Variants in FAM107A observed in about 807,000 individuals in gnomAD.
FAM107A encodes actin-associated protein FAM107A.
Under a neutral mutation model 13.7 loss-of-function variants are expected in FAM107A, and 19 were observed. The observed-to-expected ratio is 1.38, with a 90% CI of 0.97 to 2.03. FAM107A has a LOEUF of 2.03. Among genes scored for constraint, FAM107A ranks in the 30% most tolerant of loss-of-function variants. The probability of loss-of-function intolerance (pLI) is 0.00; values close to 1 mark genes in which losing one functional copy is unlikely to be tolerated. For missense variants in FAM107A, 203 were observed against 184.4 expected (o/e 1.10, Z -0.58); for synonymous variants, 82 against 74.5 (o/e 1.10, Z -0.52).
chr3:58,603,716 A>G (rs1267741354), intron 1 of FAM107A, among the ~76,000 whole-genome samples: 1 of 152,122 alleles, frequency 6.6e-6, no homozygotes, highest in African/African-American at 2.4e-5. Flanking sequence ...CCCCCAAAGT[A>G]TCTCTAAGTG....
chr3:58,594,490 G>A (rs537518589), intron 1 of FAM107A, among the ~76,000 whole-genome samples: 68 of 152,216 alleles, frequency 4.5e-4, no homozygotes, highest in African/African-American at 1.5e-3. Flanking sequence ...CTCTTTTGGT[G>A]CTCCCTCTCA....
At chr3:58,591,283 G>T (rs1044100680), upstream of FAM107A, among the ~76,000 whole-genome samples, 1 of 152,182 alleles carries the variant, frequency 6.6e-6, no homozygotes, top group African/African-American at 2.4e-5. This position sits in a 1 kb window ranked among gnomAD's most constrained non-coding sequence, Gnocchi z 4.3. Flanking sequence ...AGTTCAGACA[G>T]GTCTCAATGG....
rs549957756 is a variant in FAM107A, at chr3:58,598,191, T to C, written c.-69-8922A>G. Among the ~76,000 whole-genome samples, 6 of 152,222 alleles carry C rather than the reference T, an allele frequency of 3.9e-5. No individual in the cohort carries two copies. The East Asian group carries it at 1.2e-3, about 29-fold the overall frequency. ...CTGTTGTGAGGTGACGCCTGCCACC[T>C]CTCTTTTCCATCCCCAGGGATGGAG... On this transcript the variant is annotated intron_variant, in intron 1 of 3. Transcript: ENST00000465970.
At chr3:58,592,508 G>T (rs1193739884) in intron 1 of FAM107A, among the ~76,000 whole-genome samples, 1 of 152,150 alleles carries the variant, frequency 6.6e-6, no homozygotes, top group East Asian at 1.9e-4. Context: ...GTCTGAGAAG[G>T]CCACCGCGGT....
chr3:58,567,102 T>C (rs1359582276), intron 3 of FAM107A, 106 bp downstream of exon 3: 4 of 1,376,524 alleles, frequency 2.9e-6, no homozygotes, highest in Non-Finnish European at 4.1e-6. Flanking sequence ...TCCAGTGCTC[T>C]GTCTGCTGAT....
intron 1 of FAM107A, among the ~76,000 whole-genome samples, chr3:58,601,038 T>C (rs1392664413): frequency 1.3e-5 from 2 of 152,326 alleles, no homozygotes; most frequent in East Asian, 3.9e-4. Context: ...CGTTTTAATA[T>C]TGAATGAGAG....
intron 1 of FAM107A, chr3:58,627,306 C>T (rs1170460536): frequency 4.7e-6 from 2 of 422,352 alleles, no homozygotes. Flanking sequence ...GAAACTGAGG[C>T]AGCTGGGAAA....
At chr3:58,578,948 GCA>G (rs2063751236), upstream of FAM107A, among the ~76,000 whole-genome samples, 1 of 152,132 alleles carries the variant, frequency 6.6e-6, no homozygotes, top group African/African-American at 2.4e-5. Context: ...TGTGTTCCTG[GCA>G]CTGTTCTAAG....
At chr3:58,623,246 G>A (rs920819869) in intron 1 of FAM107A, among the ~76,000 whole-genome samples, 3 of 152,272 alleles carry the variant, frequency 2.0e-5, no homozygotes, top group South Asian at 4.2e-4. Flanking sequence ...TTCAGTCAAG[G>A]CAACTTTCTC....
chr3:58,627,018 G>A (rs1357407431), intron 1 of FAM107A: 4 of 1,535,972 alleles, frequency 2.6e-6, no homozygotes, highest in Non-Finnish European at 2.6e-6. Flanking sequence ...CACCAGGCCT[G>A]GGTGGGCTGC....
rs2063625367 is a variant in FAM107A at position 58,566,694 on chromosome 3, A to G, written c.329T>C (p.Leu110Pro). ...LLRRQQRLNQ[L>P]EKPPEKEEDH... The stretch of plus-strand genomic sequence containing the variant: ...CTCTTCCTTCTCTGGTGGTTTTTCC[A>G]GCTGAAGGAGGGAGAAGCAGAGAGT... Residue 110 changes from leucine to proline, a missense_variant and splice_region_variant, in exon 4 of 4, where the codon CTG becomes CCG. Physicochemically the swap from Leu to Pro is moderately conservative, Grantham distance 98. Coordinates refer to ENST00000360997, the MANE Select transcript of FAM107A (RefSeq NM_001076778.3). 1 of 1,610,950 alleles carries G rather than the reference A, an allele frequency of 6.2e-7. No individual in the cohort carries two copies. The highest frequency in any genetic ancestry group is 8.5e-7 in the Non-Finnish European group (1 of 1,177,178).
intron 1 of FAM107A, among the ~76,000 whole-genome samples, chr3:58,601,779 G>C (rs2065753940): frequency 6.6e-6 from 1 of 152,194 alleles, no homozygotes; most frequent in African/African-American, 2.4e-5. Context: ...ATTCTGACAA[G>C]TTCTTCTGAA....
At position 58,624,464 on chromosome 3, in the gene FAM107A, C is replaced by T. The variant is rs566440219; in HGVS notation, c.-70+2952G>A. 1.5e-3 allele frequency among the ~76,000 whole-genome samples: 226 copies of T among 150,732 alleles called. 1 individual carries two copies. Among genetic ancestry groups the T allele is most frequent in the Middle Eastern group, 7.2e-3 (2 of 278 alleles). ...CACCCTCGACCCTTTCAGTGTTCTT[C>T]CATTCTCTCTGCCCACCCCACAGCT... On this transcript the variant is annotated intron_variant, in intron 1 of 3. Transcript: ENST00000465970.
intron 1 of FAM107A, among the ~76,000 whole-genome samples, chr3:58,585,578 T>C (rs1308254487): frequency 5.3e-5 from 8 of 152,300 alleles, no homozygotes; most frequent in Non-Finnish European, 1.5e-5. Context: ...GCAGCTGGTT[T>C]GCCTCGCGCT....
At chr3:58,619,005 A>AT (rs199811140) in intron 1 of FAM107A, among the ~76,000 whole-genome samples, 11 of 151,596 alleles carry the variant, frequency 7.3e-5, no homozygotes, top group South Asian at 2.1e-4. Flanking sequence ...CATAGTTGTG[A>AT]TTTTTTTTTC....
intron 1 of FAM107A, among the ~76,000 whole-genome samples, chr3:58,583,620 C>CAAAAAA: frequency 6.8e-6 from 1 of 147,318 alleles, no homozygotes; most frequent in Non-Finnish European, 1.5e-5. Flanking sequence ...AAAACTCTGT[C>CAAAAAA]AAAAAAAAAA....
intron 1 of FAM107A, among the ~76,000 whole-genome samples, chr3:58,593,512 C>A (rs2108066378): frequency 6.6e-6 from 1 of 152,270 alleles, no homozygotes; most frequent in East Asian, 1.9e-4. Flanking sequence ...ACCCTTAAGT[C>A]TCTCTTGAAG....
At chr3:58,570,449 A>G in intron 1 of FAM107A, 1 of 870,836 alleles carries the variant, frequency 1.1e-6, no homozygotes, top group Non-Finnish European at 1.4e-6. Flanking sequence ...TAGTTGTCAA[A>G]TGTTTGGCTA....
chr3:58,583,786 T>G (rs909306247), intron 1 of FAM107A, among the ~76,000 whole-genome samples: 23 of 151,904 alleles, frequency 1.5e-4, no homozygotes, highest in Non-Finnish European at 1.0e-4. Flanking sequence ...GCTCAAGTGA[T>G]CCTCCCACCT....
Sources: gnomAD v4.1 joint callset for allele counts (sites outside exome capture counted in the v4.1 genomes callset) on GRCh38, gnomAD v4.1.1 for gene constraint, Gnocchi (gnomAD v3.1) non-coding constraint, MANE v1.5 for transcripts, NCBI Gene and HGNC (gene_info 2026-07-23, HGNC 2026-07-21) for gene names.